The following USP10 variants were observed in gnomAD, a reference collection of about 807,000 sequenced individuals.
USP10 encodes ubiquitin specific peptidase 10, also known as ubiquitin carboxyl-terminal hydrolase 10.
In USP10, 22 loss-of-function variants were observed where a neutral mutation model predicts 84.5. The observed-to-expected ratio is 0.26, with a 90% CI of 0.19 to 0.37. The LOEUF (loss-of-function observed/expected upper bound fraction) is 0.37, where lower values mean the gene tolerates loss of function less well. Ranked by LOEUF, USP10 falls within the 10% of genes least tolerant of loss-of-function variation. The probability of loss-of-function intolerance (pLI) is 1.00; values close to 1 mark genes in which losing one functional copy is unlikely to be tolerated. For missense variants in USP10, 1,019 were observed against 998.9 expected, an observed-to-expected ratio of 1.02 and a Z score of -0.27; for synonymous variants, 454 against 387.6, an observed-to-expected ratio of 1.17 and a Z score of -2.01.
Position 84,754,505 on chromosome 16 carries a change from G to A in USP10, c.1193-4211G>A, listed in dbSNP as rs1275725203. 2.0e-5 allele frequency among the ~76,000 whole-genome samples: 3 copies of A among 152,196 alleles called. No individual in the cohort carries two copies. In the East Asian group the frequency reaches 5.8e-4, roughly 29 times the overall value. ...GGGCCCGTACGTATGTTCTGCTGTT[G>A]CAGAGGTTGTGCTCGTTCGCTTTTG... is the stretch of plus-strand genomic sequence containing the variant. On this transcript the variant is annotated intron_variant, in intron 4 of 13. Transcript: ENST00000219473.
At chr16:84,736,336 G>C (rs913173413) in intron 2 of USP10, among the ~76,000 whole-genome samples, 1 of 152,250 alleles carries the variant, frequency 6.6e-6, no homozygotes, top group South Asian at 2.1e-4. Flanking sequence ...AGATGAAAGA[G>C]CATTCTGCCT....
At chr16:84,728,340 A>C (rs1424185183) in intron 1 of USP10, among the ~76,000 whole-genome samples, 3 of 144,798 alleles carry the variant, frequency 2.1e-5, no homozygotes, top group African/African-American at 8.0e-5. Flanking sequence ...ATATTGAATA[A>C]ATATTTGGCC....
At chr16:84,733,901 A>T (rs1395386400) in intron 2 of USP10, among the ~76,000 whole-genome samples, 1 of 151,926 alleles carries the variant, frequency 6.6e-6, no homozygotes, top group African/African-American at 2.4e-5. Flanking sequence ...ATGGTATACT[A>T]TATTCAGTTT....
intron 12 of USP10, among the ~76,000 whole-genome samples, chr16:84,773,561 C>G (rs907172106): frequency 1.3e-5 from 2 of 152,232 alleles, no homozygotes; most frequent in African/African-American, 4.8e-5. Context: ...CACTGTCTCT[C>G]CCAGGCCTGC....
chr16:84,765,572 C>A (rs564991766), intron 10 of USP10, among the ~76,000 whole-genome samples: 1 of 151,804 alleles, frequency 6.6e-6, no homozygotes, highest in Non-Finnish European at 1.5e-5. Flanking sequence ...TAATGTTCCC[C>A]AGGTTCATTC....
chr16:84,763,143 G>GAGTATGCAACACCTGT, intron 9 of USP10, 55 bp downstream of exon 9: 1 of 1,125,588 alleles, frequency 8.9e-7, no homozygotes, highest in Non-Finnish European at 1.3e-6. Context: ...GTAAACAGGT[G>GAGTATGCAACACCTGT]TTGCATACTC....
chr16:84,708,549 A>G (rs1184003548), intron 1 of USP10, among the ~76,000 whole-genome samples: 1 of 152,218 alleles, frequency 6.6e-6, no homozygotes, highest in African/African-American at 2.4e-5. Context: ...TTAGTTGGAG[A>G]TTGGTAAGTC....
At chr16:84,730,976 CTTT>C (rs11401851) in intron 1 of USP10, among the ~76,000 whole-genome samples, 212 of 105,054 alleles carry the variant, frequency 2.0e-3, no homozygotes, top group East Asian at 5.3e-3. Flanking sequence ...GCATTTCTAC[CTTT>C]TTTTTTTTTT....
chr16:84,736,235 T>C (rs1213206908), intron 2 of USP10, among the ~76,000 whole-genome samples: 1 of 152,248 alleles, frequency 6.6e-6, no homozygotes, highest in Non-Finnish European at 1.5e-5. Flanking sequence ...TTCATATGCT[T>C]TTTCTCCGTT....
intron 4 of USP10, among the ~76,000 whole-genome samples, chr16:84,748,153 C>CAAAAAAAAAAAAAAAAA (rs1169089505): frequency 2.0e-5 from 1 of 51,176 alleles, no homozygotes; most frequent in Non-Finnish European, 3.4e-5. Context: ...GACTCCATCT[C>CAAAAAAAAAAAAAAAAA]AAAAAAAAAA....
At chr16:84,752,251 C>T (rs935350591) in intron 4 of USP10, among the ~76,000 whole-genome samples, 1 of 152,182 alleles carries the variant, frequency 6.6e-6, no homozygotes, top group Non-Finnish European at 1.5e-5. Flanking sequence ...TGGGGGAGGC[C>T]ATCTTCCTAA....
chr16:84,746,951 A>C (rs1009343079), intron 4 of USP10, among the ~76,000 whole-genome samples: 1 of 152,210 alleles, frequency 6.6e-6, no homozygotes, highest in African/African-American at 2.4e-5. Flanking sequence ...TTTTCATATT[A>C]AAAATTGTTT....
In USP10 at chr16:84,745,677, T is replaced by A. The variant is rs779767499; in HGVS notation, c.1192+4T>A. On this transcript the variant is annotated splice_donor_region_variant and intron_variant, in intron 4 of 13. Coordinates refer to ENST00000219473, the MANE Select transcript of USP10 (RefSeq NM_005153.3). ...CCTGTAGCCATAAAGATTGCAGGTA[T>A]AGTTGAAAAGATACAAATCTAGAGT... 1.9e-6 allele frequency: 3 copies of A among 1,603,900 alleles called. No homozygotes were observed. In the South Asian group the frequency reaches 3.4e-5, roughly 18 times the overall value.
intron 9 of USP10, among the ~76,000 whole-genome samples, 172 bp from the exon 10 acceptor site, chr16:84,763,914 C>T (rs552981676): frequency 5.4e-5 from 8 of 147,274 alleles, no homozygotes; most frequent in South Asian, 2.2e-4. Flanking sequence ...GTGCCTGTTG[C>T]GATTGGCCGT....
At chr16:84,777,374 T>G (rs1915129047) in intron 13 of USP10, among the ~76,000 whole-genome samples, 1 of 152,204 alleles carries the variant, frequency 6.6e-6, no homozygotes, top group African/African-American at 2.4e-5. Context: ...GAAGCAAAAC[T>G]CTTAGCCCAG....
At position 84,747,296 on chromosome 16, in the gene USP10, A is replaced by C. The variant is rs553271654; in HGVS notation, c.1192+1623A>C. 2.0e-5 allele frequency among the ~76,000 whole-genome samples: 3 copies of C among 152,314 alleles called. No homozygotes were observed. In the East Asian group the frequency reaches 5.8e-4, roughly 29 times the overall value. On this transcript the variant is annotated intron_variant, in intron 4 of 13. Coordinates refer to ENST00000219473, the MANE Select transcript of USP10 (RefSeq NM_005153.3). ...CCTTTTGGAACACCTGACACCCTTC[A>C]TTACCAGGATGTAGCAGCAAGCTGC...
At chr16:84,740,168 A>G in intron 2 of USP10, 141 bp from the exon 3 acceptor site, 2 of 636,850 alleles carry the variant, frequency 3.1e-6, no homozygotes, top group South Asian at 2.2e-5. Context: ...CTGACTCTTC[A>G]TGTATGTTAT....
chr16:84,768,125 G>A, intron 10 of USP10, 68 bp from the exon 11 acceptor site: 3 of 1,453,184 alleles, frequency 2.1e-6, no homozygotes, highest in Non-Finnish European at 2.8e-6. Context: ...TTATTCCCTT[G>A]GTTAATCTTA....
chr16:84,726,093 G>A (rs1376059099), intron 1 of USP10, among the ~76,000 whole-genome samples: 2 of 152,192 alleles, frequency 1.3e-5, no homozygotes, highest in Admixed American at 6.5e-5. Flanking sequence ...TCTTACTTCA[G>A]GGCTGATCTC....
Sources: gnomAD v4.1 joint callset for allele counts (sites outside exome capture counted in the v4.1 genomes callset) on GRCh38, gnomAD v4.1.1 for gene constraint, MANE v1.5 for transcripts, NCBI Gene and HGNC (gene_info 2026-07-23, HGNC 2026-07-21) for gene names.